The following EPB41L5 variants were observed in gnomAD, a reference collection of about 807,000 sequenced individuals.
EPB41L5 encodes band 4.1-like protein 5.
Under a neutral mutation model 106.6 loss-of-function variants are expected in EPB41L5, and 55 were observed. That is an observed-to-expected ratio of 0.52 (90% confidence interval 0.42 to 0.65). The LOEUF (loss-of-function observed/expected upper bound fraction) is 0.65. Ranked by LOEUF, EPB41L5 falls within the 30% of genes least tolerant of loss-of-function variation. EPB41L5 has a pLI of 0.00. For missense variants in EPB41L5, 871 were observed against 882.1 expected, an observed-to-expected ratio of 0.99 and a Z score of 0.16; for synonymous variants, 297 against 306.7, an observed-to-expected ratio of 0.97 and a Z score of 0.33.
At chr2:120,167,745 AAAC>A in intron 23 of EPB41L5, 129 bp from the exon 24 acceptor site, 9 of 1,232,102 alleles carry the variant, frequency 7.3e-6, no homozygotes, top group Non-Finnish European at 1.0e-5. Flanking sequence ...AAGAAAAACA[AAAC>A]AAACAGTCAT....
chr2:120,112,256 A>G (rs10175817), intron 16 of EPB41L5, among the ~76,000 whole-genome samples: 1,603 of 152,230 alleles, frequency 0.011, 25 homozygotes, highest in African/African-American at 0.037. Context: ...TTGACTTACG[A>G]TGGGTTTCTC....
chr2:120,124,929 G>A (rs1259046307), intron 16 of EPB41L5, among the ~76,000 whole-genome samples: 1 of 152,126 alleles, frequency 6.6e-6, no homozygotes, highest in Non-Finnish European at 1.5e-5. Context: ...TATCACCAGA[G>A]TTCTTTGTAA....
intron 13 of EPB41L5, among the ~76,000 whole-genome samples, chr2:120,092,975 T>C (rs1683512546): frequency 6.6e-6 from 1 of 152,226 alleles, no homozygotes; most frequent in Non-Finnish European, 1.5e-5. Flanking sequence ...ATGTGGTGGC[T>C]CACACCTTTA....
At chr2:120,104,443 C>T (rs1684331453) in intron 16 of EPB41L5, 1 of 1,325,314 alleles carries the variant, frequency 7.5e-7, no homozygotes, top group African/African-American at 1.5e-5. Context: ...ATGATAATGA[C>T]AAATGTTTGT....
intron 16 of EPB41L5, chr2:120,105,674 A>G (rs547278075): frequency 2.0e-6 from 2 of 985,406 alleles, no homozygotes; most frequent in South Asian, 4.7e-5. Flanking sequence ...ATAGATCTGT[A>G]TCTTAAATAG....
chr2:120,169,590 TTCTG>T (rs903996239), intron 24 of EPB41L5, among the ~76,000 whole-genome samples: 3 of 152,182 alleles, frequency 2.0e-5, no homozygotes, highest in Non-Finnish European at 4.4e-5. Flanking sequence ...CCATCCCTCC[TTCTG>T]TCTCTCTCTC....
At chr2:120,073,332 C>T (rs937235194) in intron 4 of EPB41L5, 112 bp downstream of exon 4, 2 of 940,452 alleles carry the variant, frequency 2.1e-6, no homozygotes, top group Admixed American at 2.6e-5. Flanking sequence ...TTTAGCATTT[C>T]CATTTTCTAG....
intron 19 of EPB41L5, among the ~76,000 whole-genome samples, chr2:120,146,004 T>C (rs1686386388): frequency 6.6e-6 from 1 of 152,080 alleles, no homozygotes; most frequent in Admixed American, 6.5e-5. Flanking sequence ...TTGTGTGAAT[T>C]TGTATACCAA....
intron 20 of EPB41L5, among the ~76,000 whole-genome samples, chr2:120,147,616 C>A (rs1399646688): frequency 8.3e-6 from 1 of 120,002 alleles, no homozygotes; most frequent in Non-Finnish European, 1.6e-5. Context: ...CAGAGCGAAA[C>A]TCTGTCTCAA....
Position 120,155,641 on chromosome 2 carries a change from T to C in EPB41L5, c.1794-5240T>C, listed in dbSNP as rs1346832590. 4.6e-5 allele frequency among the ~76,000 whole-genome samples: 7 copies of C among 152,318 alleles called. 1 individual carries two copies. In the East Asian group the frequency reaches 1.4e-3, roughly 29 times the overall value. On this transcript the variant is annotated intron_variant, in intron 20 of 24. Coordinates refer to ENST00000263713, the MANE Select transcript of EPB41L5 (RefSeq NM_020909.4). ...TCCTGTAATACGTATATTAATATGC[T>C]TGATTATGTCCCACAAGTTTCTCAA...
chr2:120,152,086 C>G (rs1302083892), intron 20 of EPB41L5, among the ~76,000 whole-genome samples: 2 of 152,158 alleles, frequency 1.3e-5, no homozygotes, highest in African/African-American at 4.8e-5. Context: ...CAAAAACTGA[C>G]ATTCTTATTT....
intron 16 of EPB41L5, among the ~76,000 whole-genome samples, chr2:120,116,509 A>C (rs777753627): frequency 3.3e-5 from 5 of 152,052 alleles, no homozygotes; most frequent in Non-Finnish European, 7.4e-5. Flanking sequence ...AAATTTTCTT[A>C]AAAGTAATGA....
Position 120,111,909 on chromosome 2 carries a change from T to A in EPB41L5, c.1337+11095T>A, listed in dbSNP as rs1347513984. Among the ~76,000 whole-genome samples the A allele has an allele frequency of 2.6e-5, 4 of 152,192 alleles. No homozygotes were observed. In the East Asian group the frequency reaches 5.8e-4, roughly 22 times the overall value. On this transcript the variant is annotated intron_variant, in intron 16 of 24. Transcript: ENST00000263713. ...CCTTGCTTACATCCAAAGACTCATC[T>A]TCTTATACTTGCTCAAACATACCAA...
At chr2:120,163,258 G>C (rs1434743519) in intron 21 of EPB41L5, among the ~76,000 whole-genome samples, 11 of 87,500 alleles carry the variant, frequency 1.3e-4, no homozygotes, top group South Asian at 4.7e-4. Flanking sequence ...GTGTCCCTCT[G>C]CCCCCCCCCC....
intron 1 of EPB41L5, among the ~76,000 whole-genome samples, chr2:120,013,967 A>G (rs1391977470): frequency 6.6e-6 from 1 of 152,240 alleles, no homozygotes; most frequent in Non-Finnish European, 1.5e-5. Flanking sequence ...GCTGAGCTCT[A>G]GTTAACCTTG....
intron 3 of EPB41L5, among the ~76,000 whole-genome samples, chr2:120,061,681 G>A (rs889071035): frequency 3.9e-5 from 6 of 152,138 alleles, no homozygotes; most frequent in African/African-American, 1.4e-4. Flanking sequence ...AGAAAAATAA[G>A]TTAGTTAGAT....
chr2:120,127,392 C>T (rs1685502728), intron 16 of EPB41L5, among the ~76,000 whole-genome samples: 1 of 152,260 alleles, frequency 6.6e-6, no homozygotes, highest in East Asian at 1.9e-4. Context: ...TCCGCAGACG[C>T]GCAAGTGCCT....
chr2:120,034,896 CT>C (rs1678945241), intron 2 of EPB41L5, among the ~76,000 whole-genome samples: 1 of 152,096 alleles, frequency 6.6e-6, no homozygotes, highest in South Asian at 2.1e-4. Flanking sequence ...GTTAGCAGTA[CT>C]TTGTTGTTGT....
intron 3 of EPB41L5, among the ~76,000 whole-genome samples, chr2:120,063,841 C>G (rs1261007944): frequency 1.3e-5 from 2 of 152,122 alleles, no homozygotes; most frequent in African/African-American, 4.8e-5. Context: ...ACTCAGGAGT[C>G]TGAGGCAGGA....
Sources: allele counts gnomAD v4.1 joint callset (sites outside exome capture counted in the v4.1 genomes callset), GRCh38; gene constraint gnomAD v4.1.1; transcripts MANE v1.5; gene names NCBI Gene and HGNC (gene_info 2026-07-23, HGNC 2026-07-21).